Variants in NUSAP1 observed in about 807,000 individuals in gnomAD.
NUSAP1 encodes nucleolar and spindle-associated protein 1.
A neutral mutation model predicts 52.8 loss-of-function variants in NUSAP1; 32 were observed. That is an observed-to-expected ratio of 0.61 (90% CI 0.46 to 0.81). NUSAP1 has a LOEUF of 0.81. NUSAP1 is among the 40% of genes least tolerant of loss of function. The pLI is 0.00. For synonymous variants in NUSAP1, 195 were observed against 183.1 expected (o/e 1.06, Z -0.52); for missense variants, 499 against 522.3 (o/e 0.96, Z 0.43).
chr15:41,362,736 TTTACCTTTTAAC>T (rs1311919425), intron 6 of NUSAP1, among the ~76,000 whole-genome samples: 2 of 151,992 alleles, frequency 1.3e-5, no homozygotes, highest in Non-Finnish European at 2.9e-5. Context: ...GGCCCCATTG[TTTACCTTTTAAC>T]TAGATTAATA....
chr15:41,353,367 C>T (rs2048847239), intron 4 of NUSAP1, among the ~76,000 whole-genome samples: 1 of 152,116 alleles, frequency 6.6e-6, no homozygotes, highest in Non-Finnish European at 1.5e-5. Flanking sequence ...GTCTCGAACT[C>T]CTAATCTCAG....
At position 41,349,147 on chromosome 15, in the gene NUSAP1, T is replaced by A; in HGVS notation, c.212T>A (p.Ile71Asn). 3 of 1,613,890 alleles carry A rather than the reference T, an allele frequency of 1.9e-6. No individual in the cohort carries two copies. The highest frequency in any genetic ancestry group is 3.3e-5 in the Admixed American group (2 of 59,996). ...ASSCDETEIQ[I>N]SNQEEAERQP... ...TCTTGTGATGAGACTGAGATACAGA[T>A]CAGCAACCAGGAAGAAGCTGAGAGA... is the stretch of plus-strand genomic sequence containing the variant. The change falls in exon 3 of 11, where the codon ATC becomes AAC. Residue 71 changes from isoleucine (I) to asparagine (N), a missense_variant. Ile to Asn is a moderately radical substitution (Grantham distance 149). Transcript: ENST00000559596.
intron 2 of NUSAP1, among the ~76,000 whole-genome samples, chr15:41,343,701 G>A (rs942600303): frequency 6.6e-5 from 10 of 151,626 alleles, no homozygotes; most frequent in African/African-American, 2.2e-4. Flanking sequence ...ATGTTGGCCA[G>A]GCTGGTCTCA....
rs1424506704 is a variant in NUSAP1 at position 41,380,136 on chromosome 15, A to ATC, written c.1276_1277insTC (p.Lys426IlefsTer47). On this transcript the variant is annotated frameshift_variant, in exon 11 of 11. Coordinates refer to ENST00000559596, the MANE Select transcript of NUSAP1 (RefSeq NM_016359.5). LOFTEE classifies it high-confidence loss of function. Reference sequence around the variant, plus strand: ...ACGCGAGCAAGAACGAAAGGAGAAGAAAGCAAAGGTTTTGGGAATGCGAAG... The same window carrying ATC: ...ACGCGAGCAAGAACGAAAGGAGAAGATCAAGCAAAGGTTTTGGGAATGCGAAG... 1.3e-6 allele frequency: 2 copies of ATC among 1,588,888 alleles called. No individual in the cohort carries two copies. Among genetic ancestry groups the ATC allele is most frequent in the South Asian group, 2.3e-5 (2 of 86,826 alleles).
Position 41,371,542 on chromosome 15 carries a change from T to G in NUSAP1, c.864T>G (p.Thr288=). 1 of 1,600,686 alleles carries G rather than the reference T, an allele frequency of 6.2e-7. No homozygotes were observed. Residue 288 remains threonine, a synonymous_variant, in exon 8 of 11, where the codon ACT becomes ACG. Transcript: ENST00000559596. ...AKTGVRFSAA[T]KDNEHKRSLT... is the part of the protein sequence containing the mutation. ...TCCTATTTAGGTTTTCAGCTGCTAC[T>G]AAAGATAATGAGCATAAGCGTTCAC...
At chr15:41,376,584 G>A (rs1225452005) in intron 9 of NUSAP1, among the ~76,000 whole-genome samples, 6 of 151,038 alleles carry the variant, frequency 4.0e-5, no homozygotes, top group Non-Finnish European at 7.4e-5. Context: ...TCAACTACTC[G>A]GGAGGCTGAG....
intron 1 of NUSAP1, among the ~76,000 whole-genome samples, chr15:41,337,950 T>TTTTTTTA (rs2048224377): frequency 7.5e-6 from 1 of 134,222 alleles, no homozygotes; most frequent in Admixed American, 7.5e-5. Context: ...TTTTTTTTTT[T>TTTTTTTA]GAGTCACAGT....
chr15:41,378,322 C>T (rs1169733895), intron 10 of NUSAP1, among the ~76,000 whole-genome samples: 3 of 152,170 alleles, frequency 2.0e-5, no homozygotes, highest in Admixed American at 1.3e-4. Flanking sequence ...AAACCCAGGA[C>T]GGTCCTTAGA....
chr15:41,374,647 C>G (rs1475420955), intron 8 of NUSAP1, among the ~76,000 whole-genome samples: 1 of 151,952 alleles, frequency 6.6e-6, no homozygotes, highest in Non-Finnish European at 1.5e-5. Context: ...CCTGCCTCAG[C>G]TTCCTGAGTA....
intron 1 of NUSAP1, among the ~76,000 whole-genome samples, chr15:41,341,333 G>T (rs1159580088): frequency 6.6e-6 from 1 of 152,070 alleles, no homozygotes; most frequent in Admixed American, 6.6e-5. Context: ...CAAAGTGCTG[G>T]AATTACAGGC....
intron 10 of NUSAP1, among the ~76,000 whole-genome samples, chr15:41,377,617 T>G (rs1299589785): frequency 7.3e-6 from 1 of 137,470 alleles, no homozygotes; most frequent in Non-Finnish European, 1.6e-5. Context: ...GAGAATGGCG[T>G]GAACCCAGGA....
At chr15:41,342,795 C>T (rs972045309) in intron 2 of NUSAP1, among the ~76,000 whole-genome samples, 13 of 151,854 alleles carry the variant, frequency 8.6e-5, no homozygotes, top group Non-Finnish European at 1.2e-4. Flanking sequence ...GCCAGGATCG[C>T]GCCACTGTAC....
chr15:41,339,264 G>A (rs1291869758), intron 1 of NUSAP1, among the ~76,000 whole-genome samples: 1 of 151,802 alleles, frequency 6.6e-6, no homozygotes, highest in Non-Finnish European at 1.5e-5. Context: ...TATATTTAGT[G>A]GTAAAGAATC....
chr15:41,371,701 A>G lies in NUSAP1; in HGVS notation c.1006+17A>G. 1.9e-6 allele frequency: 3 copies of G among 1,563,792 alleles called. No individual in the cohort carries two copies. The highest frequency in any genetic ancestry group is 2.6e-6 in the Non-Finnish European group (3 of 1,161,628). Reference sequence around the variant, plus strand: ...CTGCTGCTGGTAAAAAAAAAAAAAAACAAAAGAAATCTGTTTCATTTTTAA... The same window carrying G: ...CTGCTGCTGGTAAAAAAAAAAAAAAGCAAAAGAAATCTGTTTCATTTTTAA... On this transcript the variant is annotated intron_variant, in intron 8 of 10. Transcript: ENST00000559596.
Position 41,380,269 on chromosome 15 carries a change from C to A in NUSAP1, c.*83C>A. 2.3e-6 allele frequency: 2 copies of A among 868,394 alleles called. No homozygotes were observed. Among genetic ancestry groups the A allele is most frequent in the East Asian group, 2.7e-5 (1 of 37,282 alleles). The allele number at this position is 868,394 out of a possible 1,614,324, so 53.8% of individuals were successfully genotyped here. A position where few individuals can be genotyped will look rare whatever the true frequency, so the allele number is the denominator to read the frequency against. The stretch of plus-strand genomic sequence containing the variant: ...TTTTTTTTTTTTGCTGTCATCCCCA[C>A]TTTAGTCACGAGATCTTTTTCTGCT... On this transcript the variant is annotated 3_prime_UTR_variant, in exon 11 of 11. Coordinates refer to ENST00000559596, the MANE Select transcript of NUSAP1 (RefSeq NM_016359.5).
rs941605758 is a variant in NUSAP1, at chr15:41,342,163, G to A, written c.94-223G>A. Among the ~76,000 whole-genome samples, 6 of 152,122 alleles carry A rather than the reference G, an allele frequency of 3.9e-5. No individual in the cohort carries two copies. In the East Asian group the frequency reaches 5.8e-4, roughly 15 times the overall value. ...CTCATGACAGCCTGAGCCTCCTAGC[G>A]TGGGCATTTACCCCACTGTATTGCA... On this transcript the variant is annotated intron_variant, in intron 1 of 10. Coordinates refer to ENST00000559596, the MANE Select transcript of NUSAP1 (RefSeq NM_016359.5).
chr15:41,362,874 G>A lies in NUSAP1; in HGVS notation c.661-2528G>A, dbSNP rs139571297. On this transcript the variant is annotated intron_variant, in intron 6 of 10. Coordinates refer to ENST00000559596, the MANE Select transcript of NUSAP1 (RefSeq NM_016359.5). Reference sequence around the variant, plus strand: ...CTTGACTTCAGCTACTCAGGAGGCTGAGGCAGGAAAAATGCTTGAAGCCCG... The same window carrying A: ...CTTGACTTCAGCTACTCAGGAGGCTAAGGCAGGAAAAATGCTTGAAGCCCG... Among the ~76,000 whole-genome samples the A allele has an allele frequency of 8.1e-3, 1,231 of 152,272 alleles. 14 individuals carry two copies. Among genetic ancestry groups the A allele is most frequent in the Non-Finnish European group, 0.013 (860 of 68,018 alleles).
chr15:41,342,463 T>G lies in NUSAP1; in HGVS notation c.162+9T>G. The G allele has an allele frequency of 6.4e-7, 1 of 1,556,002 alleles. No homozygotes were observed. The highest frequency in any genetic ancestry group is 8.7e-7 in the Non-Finnish European group (1 of 1,144,658). ...AAGGAAATGAGAATCAGGTGAGTAA[T>G]GTTTTTCATGTTTACCTGTTAGCTA... On this transcript the variant is annotated intron_variant, in intron 2 of 10. Transcript: ENST00000559596.
intron 6 of NUSAP1, among the ~76,000 whole-genome samples, chr15:41,363,828 G>A (rs1170153392): frequency 6.6e-6 from 1 of 152,000 alleles, no homozygotes; most frequent in Non-Finnish European, 1.5e-5. Flanking sequence ...ATTACTCTTT[G>A]TGCCTTGACA....
Sources: gnomAD v4.1 joint callset for allele counts (sites outside exome capture counted in the v4.1 genomes callset) on GRCh38, gnomAD v4.1.1 for gene constraint, MANE v1.5 for transcripts, NCBI Gene and HGNC (gene_info 2026-07-23, HGNC 2026-07-21) for gene names.